Variants in MAPKAP1 observed in about 807,000 individuals in gnomAD.
MAPKAP1 encodes MAPK associated protein 1.
MAPKAP1 carries 20 observed loss-of-function variants against 65.7 expected under a neutral mutation model. The ratio of observed to expected loss-of-function variants is 0.30; its 90% CI spans 0.21 to 0.44. MAPKAP1 has a LOEUF of 0.44. MAPKAP1 is among the 20% of genes least tolerant of loss of function. The pLI, the probability that MAPKAP1 is intolerant of heterozygous loss-of-function variation, is 1.00. For synonymous variants in MAPKAP1, 222 were observed against 244.3 expected (o/e 0.91, Z 0.85); for missense variants, 423 against 648.0 (o/e 0.65, Z 3.77).
chr9:125,581,498 T>A (rs1418282616), intron 5 of MAPKAP1, among the ~76,000 whole-genome samples: 2 of 152,268 alleles, frequency 1.3e-5, no homozygotes, highest in African/African-American at 4.8e-5. Context: ...TTCAGTGATA[T>A]GTCTGTTTAT....
At chr9:125,572,738 C>T (rs1831272199) in intron 5 of MAPKAP1, among the ~76,000 whole-genome samples, 1 of 152,132 alleles carries the variant, frequency 6.6e-6, no homozygotes, top group African/African-American at 2.4e-5. Flanking sequence ...CAACAGTTGC[C>T]CAGTTCATGT....
At chr9:125,688,793 A>G (rs1835066895) in intron 1 of MAPKAP1, among the ~76,000 whole-genome samples, 1 of 152,210 alleles carries the variant, frequency 6.6e-6, no homozygotes, top group Non-Finnish European at 1.5e-5. Flanking sequence ...GGTAGATTCT[A>G]TTATTCTTCA....
chr9:125,474,679 C>A (rs746029608), intron 9 of MAPKAP1, among the ~76,000 whole-genome samples: 18 of 152,100 alleles, frequency 1.2e-4, no homozygotes, highest in Non-Finnish European at 2.5e-4. Flanking sequence ...TCTTAAAATA[C>A]CCCCTTAAAA....
chr9:125,548,337 T>G (rs539298593), intron 6 of MAPKAP1, among the ~76,000 whole-genome samples: 1 of 152,138 alleles, frequency 6.6e-6, no homozygotes, highest in East Asian at 1.9e-4. Context: ...AAAACAAACA[T>G]AGGGCACGTA....
At chr9:125,529,495 T>C (rs1829873895) in intron 7 of MAPKAP1, among the ~76,000 whole-genome samples, 2 of 112,780 alleles carry the variant, frequency 1.8e-5, no homozygotes, top group South Asian at 7.1e-4. Context: ...CTATTAAAAG[T>C]AGTGTGCCAA....
chr9:125,514,052 T>C (rs532495191), intron 7 of MAPKAP1, among the ~76,000 whole-genome samples: 1 of 152,314 alleles, frequency 6.6e-6, no homozygotes, highest in Admixed American at 6.5e-5. Flanking sequence ...ACGCTGGGTC[T>C]GAGCTCACAT....
chr9:125,559,831 C>T (rs755063583), intron 5 of MAPKAP1, 22 bp from the exon 6 acceptor site: 32 of 1,597,158 alleles, frequency 2.0e-5, no homozygotes, highest in Admixed American at 1.4e-4. Flanking sequence ...ACCAAAAAGG[C>T]GAGTGAATAC....
intron 4 of MAPKAP1, among the ~76,000 whole-genome samples, chr9:125,594,703 C>T (rs1832073795): frequency 1.3e-5 from 2 of 152,202 alleles, no homozygotes; most frequent in Admixed American, 1.3e-4. Context: ...CCACCTCCTT[C>T]CCCACACTCT....
intron 7 of MAPKAP1, among the ~76,000 whole-genome samples, chr9:125,541,137 A>G (rs1262318488): frequency 6.6e-6 from 1 of 152,214 alleles, no homozygotes; most frequent in African/African-American, 2.4e-5. Flanking sequence ...TTTTTCAGAT[A>G]ACGAGTCCTA....
At chr9:125,694,879 A>C (rs1322135215) in intron 1 of MAPKAP1, among the ~76,000 whole-genome samples, 1 of 152,254 alleles carries the variant, frequency 6.6e-6, no homozygotes, top group Non-Finnish European at 1.5e-5. Context: ...ATACATTCAA[A>C]ACATTTAGCA....
intron 7 of MAPKAP1, among the ~76,000 whole-genome samples, chr9:125,537,350 G>A (rs1830102538): frequency 6.6e-6 from 1 of 152,128 alleles, no homozygotes; most frequent in African/African-American, 2.4e-5. Context: ...TACTTTCCAG[G>A]GATGTTGTAC....
chr9:125,475,113 T>G (rs946697808), intron 9 of MAPKAP1, among the ~76,000 whole-genome samples: 2 of 152,184 alleles, frequency 1.3e-5, no homozygotes, highest in Non-Finnish European at 2.9e-5. Context: ...GGGGTTTTCA[T>G]TCTCCATATG....
chr9:125,616,334 A>G (rs1832747395), intron 4 of MAPKAP1, among the ~76,000 whole-genome samples: 1 of 152,224 alleles, frequency 6.6e-6, no homozygotes, highest in South Asian at 2.1e-4. Flanking sequence ...AAAAAGCAAT[A>G]ATGAAGCAAA....
intron 5 of MAPKAP1, among the ~76,000 whole-genome samples, chr9:125,571,627 C>T (rs547638714): frequency 1.3e-4 from 20 of 152,132 alleles, no homozygotes; most frequent in Admixed American, 2.0e-4. Context: ...GAGGCCGAGG[C>T]AGGTGGATCA....
intron 4 of MAPKAP1, among the ~76,000 whole-genome samples, chr9:125,640,715 A>G (rs1049231854): frequency 6.6e-6 from 1 of 152,240 alleles, no homozygotes; most frequent in Non-Finnish European, 1.5e-5. Context: ...TGATGCAGTC[A>G]AAGTCTTCTA....
chr9:125,477,584 T>C (rs902137856), intron 9 of MAPKAP1, among the ~76,000 whole-genome samples: 1 of 152,216 alleles, frequency 6.6e-6, no homozygotes, highest in Admixed American at 6.5e-5. Context: ...AGGTGTTCAC[T>C]GTGGGGATGT....
At chr9:125,456,474 T>C (rs958794704) in intron 10 of MAPKAP1, among the ~76,000 whole-genome samples, 1 of 152,256 alleles carries the variant, frequency 6.6e-6, no homozygotes, top group Non-Finnish European at 1.5e-5. Flanking sequence ...CCAATGATCC[T>C]ACCTTCTGCT....
At chr9:125,696,111 T>C (rs1835376028) in intron 1 of MAPKAP1, 1 of 152,224 alleles carries the variant, frequency 6.6e-6, no homozygotes, top group South Asian at 2.1e-4. Context: ...TAACTACTGC[T>C]ATCAGAAAAA....
chr9:125,536,057 T>C (rs1466887068), intron 7 of MAPKAP1, among the ~76,000 whole-genome samples: 1 of 152,216 alleles, frequency 6.6e-6, no homozygotes, highest in Admixed American at 6.5e-5. Context: ...GCAAATGATA[T>C]ATTTCAAGTT....
Sources: gnomAD v4.1 joint callset for allele counts (sites outside exome capture counted in the v4.1 genomes callset) on GRCh38, gnomAD v4.1.1 for gene constraint, MANE v1.5 for transcripts, NCBI Gene and HGNC (gene_info 2026-07-23, HGNC 2026-07-21) for gene names.